Variants in TSPAN1 observed in about 807,000 individuals in gnomAD.
TSPAN1 encodes tetraspanin 1.
Under a neutral mutation model 26.9 loss-of-function variants are expected in TSPAN1, and 23 were observed. The observed-to-expected ratio is 0.85, with a 90% CI of 0.62 to 1.21. TSPAN1 has a LOEUF of 1.21. TSPAN1 is among the 50% of genes most tolerant of loss of function. The pLI is 0.00. For missense variants in TSPAN1, 283 were observed against 298.4 expected, an observed-to-expected ratio of 0.95 and a Z score of 0.38; for synonymous variants, 115 against 114.8, an observed-to-expected ratio of 1.00 and a Z score of -0.01.
At chr1:46,190,170 A>G, downstream of TSPAN1, 2 of 758,420 alleles carry the variant, frequency 2.6e-6, no homozygotes, top group Non-Finnish European at 4.0e-6. Context: ...TCAGCCTCCC[A>G]AGTAGCTGGG....
the TSPAN1 span, chr1:46,191,666 G>A: frequency 1.2e-4 from 31 of 260,104 alleles, no homozygotes; most frequent in African/African-American, 5.3e-4. Context: ...ATGGAGTCTC[G>A]CTCTGTCACC....
At chr1:46,179,677 G>C (rs577152999) in intron 1 of TSPAN1, among the ~76,000 whole-genome samples, 51 of 152,168 alleles carry the variant, frequency 3.4e-4, no homozygotes, top group Non-Finnish European at 6.0e-4. Context: ...TGGGATCACA[G>C]AGCCTTGGAA....
intron 3 of TSPAN1, 100 bp downstream of exon 3, chr1:46,181,264 C>A: frequency 8.3e-7 from 1 of 1,203,012 alleles, no homozygotes; most frequent in South Asian, 1.3e-5. Flanking sequence ...TATGCCCAGG[C>A]TTCGTCCTGC....
downstream of TSPAN1, chr1:46,190,177 T>C (rs868611107): frequency 1.4e-5 from 10 of 738,034 alleles, no homozygotes; most frequent in Non-Finnish European, 1.9e-5. Context: ...CCCAAGTAGC[T>C]GGGACTACAG....
At position 46,185,508 on chromosome 1, in the gene TSPAN1, T is replaced by C. The variant is rs1657410991; in HGVS notation, c.701T>C (p.Met234Thr). The C allele has an allele frequency of 3.1e-6, 5 of 1,614,234 alleles. No individual in the cohort carries two copies. Among genetic ancestry groups the C allele is most frequent in the East Asian group, 2.2e-5 (1 of 44,886 alleles). The change falls in exon 9 of 9, where the codon ATG becomes ACG. Residue 234 changes from methionine to threonine, a missense_variant. Coordinates refer to ENST00000372003, the MANE Select transcript of TSPAN1 (RefSeq NM_005727.4). ...CAGCTGGCTGCCATGATTGTGTCCA[T>C]GTATCTGTACTGCAATCTACAATAA... is the stretch of plus-strand genomic sequence containing the variant. ...GLELAAMIVS[M>T]YLYCNLQ
chr1:46,188,704 T>A (rs751539437), downstream of TSPAN1: 4 of 1,597,714 alleles, frequency 2.5e-6, no homozygotes, highest in South Asian at 4.4e-5. Context: ...TCTCCTTTTT[T>A]AATCAATGAC....
chr1:46,187,667 T>C (rs1260797652), downstream of TSPAN1, among the ~76,000 whole-genome samples: 2 of 152,226 alleles, frequency 1.3e-5, no homozygotes, highest in Non-Finnish European at 2.9e-5. Flanking sequence ...GCCGTGTGCC[T>C]GTGTGGAGGC....
intron 1 of TSPAN1, among the ~76,000 whole-genome samples, chr1:46,178,122 C>T (rs1310839827): frequency 7.2e-5 from 11 of 152,012 alleles, no homozygotes; most frequent in Non-Finnish European, 1.5e-4. Flanking sequence ...TTTGGGAGCC[C>T]GAGGTGGGTG....
the TSPAN1 span, chr1:46,191,521 G>A: frequency 1.0e-5 from 2 of 190,816 alleles, no homozygotes; most frequent in Non-Finnish European, 2.2e-5. Context: ...GCTAAAAATA[G>A]TAAAAATAAA....
chr1:46,178,573 ACCTT>A (rs1657239837), intron 1 of TSPAN1, among the ~76,000 whole-genome samples: 1 of 151,896 alleles, frequency 6.6e-6, no homozygotes, highest in Non-Finnish European at 1.5e-5. Flanking sequence ...TTAAAATATG[ACCTT>A]GCTTCCACCA....
Position 46,181,084 on chromosome 1 carries a change from C to T in TSPAN1, c.-8-16C>T. On this transcript the variant is annotated splice_polypyrimidine_tract_variant and intron_variant, in intron 2 of 8. Coordinates refer to ENST00000372003, the MANE Select transcript of TSPAN1 (RefSeq NM_005727.4). ...AGGGGAAACAAGGCCCTAACTTGCA[C>T]ATGTCTACCTCCCAGGAGCCACCAT... The T allele has an allele frequency of 6.2e-7, 1 of 1,613,292 alleles. No homozygotes were observed.
At chr1:46,182,298 G>A (rs1657329079) in intron 3 of TSPAN1, among the ~76,000 whole-genome samples, 1 of 2,606 alleles carries the variant, frequency 3.8e-4, no homozygotes, top group African/African-American at 4.1e-4. Flanking sequence ...ATTTATTAGG[G>A]ATAAGCAAAA....
chr1:46,193,884 A>C, the TSPAN1 span: 1 of 1,614,056 alleles, frequency 6.2e-7, no homozygotes, highest in Non-Finnish European at 8.5e-7. Flanking sequence ...GGTTCCCTGC[A>C]ATGACAGCCA....
chr1:46,176,215 C>T (rs369770112), intron 1 of TSPAN1: 4 of 1,534,678 alleles, frequency 2.6e-6, no homozygotes, highest in Non-Finnish European at 3.5e-6. Flanking sequence ...GGCTCACAGG[C>T]CCCCTGGCTA....
intron 3 of TSPAN1, 32 bp from the exon 4 acceptor site, chr1:46,184,159 G>A (rs1020033325): frequency 3.7e-6 from 6 of 1,613,190 alleles, no homozygotes; most frequent in Admixed American, 3.3e-5. Flanking sequence ...TGCCAGCACT[G>A]TTTAAGGCCT....
At position 46,176,055 on chromosome 1, in the gene TSPAN1, T is replaced by G. The variant is rs187450869; in HGVS notation, c.-142+646T>G. 3.1e-3 allele frequency among the ~76,000 whole-genome samples: 468 copies of G among 152,224 alleles called. 2 individuals carry two copies. The highest frequency in any genetic ancestry group is 0.011 in the African/African-American group (450 of 41,532). On this transcript the variant is annotated intron_variant, in intron 1 of 8. Transcript: ENST00000372003. ...GCCCGGCTAATTTTTTTTTGTATTT[T>G]TAGTAGAGATGGGATTTCACCGTGT... is the stretch of plus-strand genomic sequence containing the variant.
chr1:46,194,345 T>C, the TSPAN1 span: 1 of 1,614,224 alleles, frequency 6.2e-7, no homozygotes, highest in Admixed American at 1.7e-5. Context: ...TCAACTTTGC[T>C]GCAGAAGCGC....
At chr1:46,194,811 T>C in the TSPAN1 span, 1 of 1,613,674 alleles carries the variant, frequency 6.2e-7, no homozygotes, top group Non-Finnish European at 8.5e-7. Context: ...AGGCTCTTGA[T>C]ACTACAGAGT....
chr1:46,194,690 C>T, the TSPAN1 span: 1 of 1,614,274 alleles, frequency 6.2e-7, no homozygotes. Context: ...GGGGCCCAGA[C>T]ACCAGTTTGG....
Sources: gnomAD v4.1 joint callset for allele counts (sites outside exome capture counted in the v4.1 genomes callset) on GRCh38, gnomAD v4.1.1 for gene constraint, MANE v1.5 for transcripts, NCBI Gene and HGNC (gene_info 2026-07-23, HGNC 2026-07-21) for gene names.